Variants in B4GALNT2 observed in about 807,000 individuals in gnomAD.
The protein encoded by B4GALNT2 is N-acetylneuraminylgalactosylglucosyl-glucoside beta-1,4-N- acetylgalactosaminyltransferase 2.
Under a neutral mutation model 51.1 loss-of-function variants are expected in B4GALNT2, and 42 were observed. That is an observed-to-expected ratio of 0.82 (90% CI 0.64 to 1.06). The LOEUF (loss-of-function observed/expected upper bound fraction) is 1.06. Among genes scored for constraint, B4GALNT2 ranks in the 50% least tolerant of loss-of-function variants. The probability of loss-of-function intolerance (pLI) is 0.00; values close to 1 mark genes in which losing one functional copy is unlikely to be tolerated. For missense variants in B4GALNT2, 602 were observed against 633.6 expected (o/e 0.95, Z 0.54); for synonymous variants, 253 against 251.7 (o/e 1.01, Z -0.05).
chr17:49,166,551 G>C (rs2042913258), intron 9 of B4GALNT2, among the ~76,000 whole-genome samples: 1 of 152,102 alleles, frequency 6.6e-6, no homozygotes, highest in African/African-American at 2.4e-5. Context: ...CCGTTGACTA[G>C]TATGAGATTA....
chr17:49,164,253 A>G lies in B4GALNT2; in HGVS notation c.932A>G (p.Tyr311Cys), dbSNP rs1004514359. 3 of 1,612,838 alleles carry G rather than the reference A, an allele frequency of 1.9e-6. No individual in the cohort carries two copies. Among genetic ancestry groups the G allele is most frequent in the East Asian group, 2.2e-5 (1 of 44,884 alleles). Residue 311 changes from tyrosine to cysteine, a missense_variant, in exon 8 of 11, where the codon TAT becomes TGT. Tyr to Cys is a radical substitution (Grantham distance 194). Coordinates refer to ENST00000393354, the MANE Select transcript of B4GALNT2 (RefSeq NM_001159387.2). ...PLEIKDNHVE[Y>C]YTMPFGKGWF... Reference sequence around the variant, plus strand: ...GAAATTAAAGACAATCACGTGGAGTATTACACTATGCCCTTTGGGAAGGTA... The same window carrying G: ...GAAATTAAAGACAATCACGTGGAGTGTTACACTATGCCCTTTGGGAAGGTA...
At chr17:49,156,150 C>T (rs949962816) in intron 4 of B4GALNT2, among the ~76,000 whole-genome samples, 3 of 152,168 alleles carry the variant, frequency 2.0e-5, no homozygotes. Context: ...ACTCTGTACC[C>T]ATCCAACTGA....
chr17:49,131,304 T>C (rs12603359), upstream of B4GALNT2, among the ~76,000 whole-genome samples: 23,897 of 151,928 alleles, frequency 0.16, 2,102 homozygotes, highest in South Asian at 0.29. Flanking sequence ...AAAATAGTTA[T>C]CTACATTTGT....
At chr17:49,154,221 G>A (rs941723090) in intron 4 of B4GALNT2, among the ~76,000 whole-genome samples, 7 of 151,710 alleles carry the variant, frequency 4.6e-5, no homozygotes, top group Non-Finnish European at 5.9e-5. Flanking sequence ...AACTGGTCTC[G>A]AACTCCTGAC....
chr17:49,150,208 G>GC (rs1488969428), intron 3 of B4GALNT2, among the ~76,000 whole-genome samples: 1 of 124,778 alleles, frequency 8.0e-6, no homozygotes, highest in South Asian at 2.7e-4. Context: ...GGGGGGGTCA[G>GC]CCCCCCGCCC....
chr17:49,140,370 G>T (rs2042631719), intron 1 of B4GALNT2, among the ~76,000 whole-genome samples: 1 of 152,182 alleles, frequency 6.6e-6, no homozygotes, highest in Non-Finnish European at 1.5e-5. Context: ...GAAGTGCTGG[G>T]ATTACAGGCA....
rs1050761073 is a variant in B4GALNT2 at position 49,170,636 on chromosome 17, T to C, written c.*908T>C. 6.6e-6 allele frequency: 1 copy of C among 152,214 alleles called. No individual in the cohort carries two copies. Among genetic ancestry groups the C allele is most frequent in the African/African-American group, 2.4e-5 (1 of 41,432 alleles). The allele number at this position is 152,214 out of a possible 1,614,324, so 9.4% of individuals were successfully genotyped here. A position where few individuals can be genotyped will look rare whatever the true frequency, so the allele number is the denominator to read the frequency against. ...TAAGCCTCTTTCTGTTGCCTGGGGG[T>C]TGGCAGATTGCCGAGACCAGCTTGG... On this transcript the variant is annotated 3_prime_UTR_variant, in exon 11 of 11. Coordinates refer to ENST00000393354, the MANE Select transcript of B4GALNT2 (RefSeq NM_001159387.2).
At chr17:49,139,487 A>C (rs1470170659) in intron 1 of B4GALNT2, among the ~76,000 whole-genome samples, 1 of 152,042 alleles carries the variant, frequency 6.6e-6, no homozygotes, top group African/African-American at 2.4e-5. Context: ...CGGCCCCCCA[A>C]AGTGCTGGGA....
intron 3 of B4GALNT2, among the ~76,000 whole-genome samples, chr17:49,150,104 C>G (rs562967717): frequency 6.6e-6 from 1 of 152,102 alleles, no homozygotes; most frequent in Admixed American, 6.5e-5. Flanking sequence ...CCAGCCGCCC[C>G]GTCCAGGAGG....
rs1489169132 is a variant in B4GALNT2, at chr17:49,174,764, G to C, written c.*5036G>C. On this transcript the variant is annotated 3_prime_UTR_variant, in exon 11 of 11. Transcript: ENST00000393354. ...TCTGTTAACCATTTTAAAGGTATAG[G>C]TTCTGGAAGCTTAACAATGGCTGCC... 3 of 152,166 alleles carry C rather than the reference G, an allele frequency of 2.0e-5. No individual in the cohort carries two copies. Among genetic ancestry groups the C allele is most frequent in the Non-Finnish European group, 4.4e-5 (3 of 68,046 alleles). 9.4% of individuals were successfully genotyped at this position (152,166 alleles called of 1,614,324 possible).
At chr17:49,154,250 G>C (rs112877015) in intron 4 of B4GALNT2, among the ~76,000 whole-genome samples, 2 of 150,782 alleles carry the variant, frequency 1.3e-5, no homozygotes, top group South Asian at 2.1e-4. Flanking sequence ...ATCCACCTGC[G>C]TTGGCCTCCC....
At chr17:49,153,905 G>A (rs1222150398) in intron 4 of B4GALNT2, among the ~76,000 whole-genome samples, 1 of 152,176 alleles carries the variant, frequency 6.6e-6, no homozygotes, top group Non-Finnish European at 1.5e-5. Flanking sequence ...ACACAGGAGA[G>A]GACAGAAATC....
intron 3 of B4GALNT2, 104 bp downstream of exon 3, chr17:49,142,276 C>T: frequency 7.0e-7 from 1 of 1,427,858 alleles, no homozygotes; most frequent in Admixed American, 2.0e-5. Flanking sequence ...GGAATTCTCT[C>T]TCTTGCAAGG....
chr17:49,142,147 GCT>G lies in B4GALNT2; in HGVS notation c.329_330del (p.Ala110GlyfsTer3). The G allele has an allele frequency of 6.2e-7, 1 of 1,614,028 alleles. No individual in the cohort carries two copies. The highest frequency in any genetic ancestry group is 8.5e-7 in the Non-Finnish European group (1 of 1,179,990). ...CCCAGCGGTGAAAGCGAGGAGACAG[GCT>G]GAATTTGAACACTTTCAGAGGAGGT... ...DLPAVKARRQAEFEHFQRREG... is the reference protein window; with the variant it reads ...DLPAVKARRQXEFEHFQRREG... On this transcript the variant is annotated frameshift_variant, in exon 3 of 11. Coordinates refer to ENST00000393354, the MANE Select transcript of B4GALNT2 (RefSeq NM_001159387.2). LOFTEE classifies it high-confidence loss of function.
intron 7 of B4GALNT2, among the ~76,000 whole-genome samples, chr17:49,161,679 T>TAC (rs2042866334): frequency 1.0e-3 from 2 of 1,908 alleles, no homozygotes; most frequent in Admixed American, 7.9e-3. Context: ...TTTAAAGTAC[T>TAC]AGAAAAAAAA....
At position 49,172,764 on chromosome 17, in the gene B4GALNT2, G is replaced by T. The variant is rs1347375100; in HGVS notation, c.*3036G>T. On this transcript the variant is annotated 3_prime_UTR_variant, in exon 11 of 11. Coordinates refer to ENST00000393354, the MANE Select transcript of B4GALNT2 (RefSeq NM_001159387.2). ...CCCATCACCGCAAAACACTGCAAAA[G>T]GTGACGTTTAACACAGGCAGAAGAC... is the stretch of plus-strand genomic sequence containing the variant. The T allele has an allele frequency of 6.6e-6, 1 of 152,088 alleles. No individual in the cohort carries two copies. Among genetic ancestry groups the T allele is most frequent in the East Asian group, 1.9e-4 (1 of 5,184 alleles). 9.4% of individuals were successfully genotyped at this position (152,088 alleles called of 1,614,324 possible).
intron 3 of B4GALNT2, among the ~76,000 whole-genome samples, chr17:49,146,510 C>T (rs866077300): frequency 6.6e-6 from 1 of 152,168 alleles, no homozygotes; most frequent in African/African-American, 2.4e-5. Context: ...GGGGTTTCCC[C>T]ATGTTGCCGA....
chr17:49,157,998 A>G (rs922246214), intron 5 of B4GALNT2, among the ~76,000 whole-genome samples: 1 of 152,194 alleles, frequency 6.6e-6, no homozygotes, highest in African/African-American at 2.4e-5. Context: ...CACAGAAGGC[A>G]AGAGAAGAGA....
intron 2 of B4GALNT2, among the ~76,000 whole-genome samples, 199 bp from the exon 3 acceptor site, chr17:49,141,836 T>C (rs995598758): frequency 3.3e-5 from 5 of 152,206 alleles, no homozygotes; most frequent in African/African-American, 1.2e-4. Flanking sequence ...CCTTCCTCTG[T>C]CCCTGCTTCC....
Sources: allele counts gnomAD v4.1 joint callset (sites outside exome capture counted in the v4.1 genomes callset), GRCh38; gene constraint gnomAD v4.1.1; transcripts MANE v1.5; gene names NCBI Gene and HGNC (gene_info 2026-07-23, HGNC 2026-07-21).